The following EIF2AK2 variants were observed in gnomAD, a reference collection of about 807,000 sequenced individuals.
EIF2AK2 encodes interferon-induced, double-stranded RNA-activated protein kinase.
EIF2AK2 carries 40 observed loss-of-function variants against 70.5 expected under a neutral mutation model. The observed-to-expected ratio is 0.57, with a 90% CI of 0.44 to 0.74. EIF2AK2 has a LOEUF of 0.74. EIF2AK2 is among the 30% of genes least tolerant of loss of function. EIF2AK2 has a pLI of 0.00. For synonymous variants in EIF2AK2, 198 were observed against 220.9 expected (o/e 0.90, Z 0.92); for missense variants, 555 against 644.3 (o/e 0.86, Z 1.50).
rs1673893337 is a variant in EIF2AK2, at chr2:37,104,013, A to G, written c.*3260T>C. On this transcript the variant is annotated 3_prime_UTR_variant, in exon 17 of 17. Coordinates refer to ENST00000233057, the MANE Select transcript of EIF2AK2 (RefSeq NM_001135651.3). ...AAATTAACCTGGAGTGGTGGCAGAT[A>G]CCTGTAATCCCAGCTACTCAGGAAG... 1 of 152,048 alleles carries G rather than the reference A, an allele frequency of 6.6e-6. No individual in the cohort carries two copies. Among genetic ancestry groups the G allele is most frequent in the Non-Finnish European group, 1.5e-5 (1 of 68,016 alleles). The allele number at this position is 152,048 out of a possible 1,614,324, so 9.4% of individuals were successfully genotyped here.
chr2:37,125,367 T>C (rs895290974), intron 11 of EIF2AK2, among the ~76,000 whole-genome samples: 1 of 152,242 alleles, frequency 6.6e-6, no homozygotes, highest in African/African-American at 2.4e-5. Context: ...GGGTAGGGCC[T>C]ATTTGGCCTC....
At position 37,137,024 on chromosome 2, in the gene EIF2AK2, C is replaced by T. The variant is rs1367065045; in HGVS notation, c.688-7G>A. On this transcript the variant is annotated splice_polypyrimidine_tract_variant and splice_region_variant and intron_variant, in intron 8 of 16. Coordinates refer to ENST00000233057, the MANE Select transcript of EIF2AK2 (RefSeq NM_001135651.3). ...GATTATTTCTGAGACCATTCTATAA[C>T]AAAAGAAAATGAGAAATAGTTTCAG... 2 of 1,601,458 alleles carry T rather than the reference C, an allele frequency of 1.2e-6. No individual in the cohort carries two copies. The highest frequency in any genetic ancestry group is 8.5e-7 in the Non-Finnish European group (1 of 1,174,408).
At chr2:37,146,787 T>C in intron 4 of EIF2AK2, 66 bp downstream of exon 4, 3 of 1,576,094 alleles carry the variant, frequency 1.9e-6, no homozygotes, top group Non-Finnish European at 2.6e-6. Flanking sequence ...AAGTATTTTC[T>C]CACAGAGAGA....
At position 37,099,366 on chromosome 2, in the gene EIF2AK2, A is replaced by G. The variant is rs1673767192; in HGVS notation, c.*7907T>C. Reference sequence around the variant, plus strand: ...CTGCTTTCTTCACAGCAGTGCACTCACTACTTTCTGGTATACAAGAAGAAC... The same window carrying G: ...CTGCTTTCTTCACAGCAGTGCACTCGCTACTTTCTGGTATACAAGAAGAAC... On this transcript the variant is annotated 3_prime_UTR_variant, in exon 17 of 17. Coordinates refer to ENST00000233057, the MANE Select transcript of EIF2AK2 (RefSeq NM_001135651.3). 6.6e-6 allele frequency: 1 copy of G among 152,204 alleles called. No individual in the cohort carries two copies. Among genetic ancestry groups the G allele is most frequent in the South Asian group, 2.1e-4 (1 of 4,838 alleles). 9.4% of individuals were successfully genotyped at this position (152,204 alleles called of 1,614,324 possible).
intron 15 of EIF2AK2, 24 bp from the exon 16 acceptor site, chr2:37,107,551 A>G (rs1321092826): frequency 6.3e-7 from 1 of 1,597,942 alleles, no homozygotes; most frequent in Non-Finnish European, 8.5e-7. Context: ...TGATAGGTGT[A>G]TATTAGGAAA....
rs72542360 is a variant in EIF2AK2 at position 37,144,375 on chromosome 2, A to AG, written c.240+2477_240+2478insC. Among the ~76,000 whole-genome samples the AG allele has an allele frequency of 5.6e-3, 843 of 151,584 alleles. 10 individuals are homozygous for AG. The highest frequency in any genetic ancestry group is 0.019 in the African/African-American group (804 of 41,342). On this transcript the variant is annotated intron_variant, in intron 4 of 16. Coordinates refer to ENST00000233057, the MANE Select transcript of EIF2AK2 (RefSeq NM_001135651.3). Reference sequence around the variant, plus strand: ...TTACTCCTTCTACTTAAAAAAAAAAAAGTAAACTGTAAAACAGCCTCAGGC... The same window carrying AG: ...TTACTCCTTCTACTTAAAAAAAAAAAGAGTAAACTGTAAAACAGCCTCAGGC...
At position 37,143,573 on chromosome 2, in the gene EIF2AK2, C is replaced by T. The variant is rs57242304; in HGVS notation, c.241-1872G>A. On this transcript the variant is annotated intron_variant, in intron 4 of 16. Transcript: ENST00000233057. ...CAGATTTTTTTTCTTGTATTATTCC[C>T]TAAACAATACAGCATAACAACTACT... 1.5e-3 allele frequency among the ~76,000 whole-genome samples: 228 copies of T among 152,130 alleles called. 1 individual carries two copies. The highest frequency in any genetic ancestry group is 5.3e-3 in the African/African-American group (222 of 41,508).
chr2:37,147,205 C>A (rs1189464080), intron 3 of EIF2AK2, among the ~76,000 whole-genome samples: 1 of 152,204 alleles, frequency 6.6e-6, no homozygotes, highest in African/African-American at 2.4e-5. Flanking sequence ...ATGGTTCCCA[C>A]TTTATGCCAA....
At chr2:37,136,009 C>T (rs1675115660) in intron 9 of EIF2AK2, among the ~76,000 whole-genome samples, 1 of 152,176 alleles carries the variant, frequency 6.6e-6, no homozygotes, top group Admixed American at 6.5e-5. Context: ...CCTCTGGTTC[C>T]TTTTTCCACC....
chr2:37,126,344 T>C lies in EIF2AK2; in HGVS notation c.853A>G (p.Lys285Glu), dbSNP rs764900817. 1.2e-6 allele frequency: 2 copies of C among 1,613,000 alleles called. No individual in the cohort carries two copies. Among genetic ancestry groups the C allele is most frequent in the Non-Finnish European group, 1.7e-6 (2 of 1,179,570 alleles). Residue 285 changes from lysine (K) to glutamate (E), a missense_variant, in exon 11 of 17, where the codon AAA becomes GAA. Lys to Glu is a moderately conservative substitution (Grantham distance 56). This residue lies in a region of EIF2AK2 where 299 missense variants were observed against 375.4 expected (regional missense o/e 0.80). Coordinates refer to ENST00000233057, the MANE Select transcript of EIF2AK2 (RefSeq NM_001135651.3). ...TAAGTCTTTCCGTCAATTCTGTGTT[T>C]TGCTTTGAAAACTTGGCCAAATCCA... is the stretch of plus-strand genomic sequence containing the variant. ...SGGFGQVFKA[K>E]HRIDGKTYVI...
intron 4 of EIF2AK2, 146 bp from the exon 5 acceptor site, chr2:37,141,847 A>G (rs994906477): frequency 1.3e-5 from 11 of 832,840 alleles, no homozygotes; most frequent in Non-Finnish European, 1.8e-5. Flanking sequence ...ACCTTGAGCA[A>G]AAGTGTGACT....
rs1467114449 is a variant in EIF2AK2, at chr2:37,102,668, T to G, written c.*4605A>C. Reference sequence around the variant, plus strand: ...GATGGCTTCATGGACATGCAACCTGTGCAGTTGCACAAGACTGTGCTTAGA... The same window carrying G: ...GATGGCTTCATGGACATGCAACCTGGGCAGTTGCACAAGACTGTGCTTAGA... On this transcript the variant is annotated 3_prime_UTR_variant, in exon 17 of 17. Coordinates refer to ENST00000233057, the MANE Select transcript of EIF2AK2 (RefSeq NM_001135651.3). 6.6e-6 allele frequency: 1 copy of G among 152,210 alleles called. No individual in the cohort carries two copies. 9.4% of individuals were successfully genotyped at this position (152,210 alleles called of 1,614,324 possible).
In EIF2AK2 at chr2:37,139,666, C is replaced by A. The variant is rs760326374; in HGVS notation, c.481G>T (p.Ala161Ser). 6.2e-7 allele frequency: 1 copy of A among 1,613,962 alleles called. No homozygotes were observed. Among genetic ancestry groups the A allele is most frequent in the Admixed American group, 1.7e-5 (1 of 60,004 alleles). The change falls in exon 6 of 17, where the codon GCA (alanine) becomes TCA (serine). Residue 161 changes from alanine to serine, a missense_variant. By Grantham distance (99) the Ala-to-Ser change is moderately conservative. Around this residue, in one of 3 missense-constraint regions of EIF2AK2, gnomAD observed 208 missense variants for 191.8 expected, o/e 1.08. Transcript: ENST00000233057. ...TCTTCTGATAATATCTGAAGATATG[C>A]AAGTTTAGCGGCCAATTGTTTTGCT... ...QEAKQLAAKL[A>S]YLQILSEETS...
intron 10 of EIF2AK2, among the ~76,000 whole-genome samples, chr2:37,130,616 T>G (rs1447679897): frequency 6.6e-6 from 1 of 152,194 alleles, no homozygotes; most frequent in Non-Finnish European, 1.5e-5. Context: ...AAAGATGCCT[T>G]TTATATTATC....
Position 37,114,803 on chromosome 2 carries a change from A to G in EIF2AK2, c.1305T>C (p.Leu435=), listed in dbSNP as rs745763401. Residue 435 remains leucine, a synonymous_variant, in exon 14 of 17, where the codon CTT becomes CTC. Coordinates refer to ENST00000233057, the MANE Select transcript of EIF2AK2 (RefSeq NM_001135651.3). ...TKQVKIGDFG[L]VTSLKNDGKR... ...TTCCATCATTTTTCAGAGATGTTAC[A>G]AGTCCAAAGTCTCCAATCTTTACTT... 1.0e-5 allele frequency: 16 copies of G among 1,601,180 alleles called. No individual in the cohort carries two copies. Among genetic ancestry groups the G allele is most frequent in the East Asian group, 6.8e-5 (3 of 44,288 alleles).
chr2:37,148,391 TGAACGGGC>T, intron 2 of EIF2AK2: 1 of 320,152 alleles, frequency 3.1e-6, no homozygotes, highest in Non-Finnish European at 5.9e-6. Context: ...GGCTGGGAAA[TGAACGGGC>T]AGGCAAGTGT....
chr2:37,111,876 AAAATATATATAT>A (rs1674163690), intron 14 of EIF2AK2, among the ~76,000 whole-genome samples: 1 of 46,140 alleles, frequency 2.2e-5, no homozygotes, highest in African/African-American at 7.1e-5. Context: ...AAAAAAAAAA[AAAATATATATAT>A]ATATATATAT....
chr2:37,133,266 T>C lies in EIF2AK2; in HGVS notation c.785+2218A>G, dbSNP rs568891274. ...AATGCTCATCCCCTTTGAACTCATGTATGGGAGTTTTGAGCATAAGTATTT... is the reference window on the plus strand; with the variant it reads ...AATGCTCATCCCCTTTGAACTCATGCATGGGAGTTTTGAGCATAAGTATTT... On this transcript the variant is annotated intron_variant, in intron 10 of 16. Transcript: ENST00000233057. 1.3e-3 allele frequency among the ~76,000 whole-genome samples: 193 copies of C among 152,340 alleles called. 2 individuals carry two copies. Among genetic ancestry groups the C allele is most frequent in the Admixed American group, 2.4e-3 (36 of 15,296 alleles).
At chr2:37,153,892 CA>C (rs1675831533) in intron 1 of EIF2AK2, among the ~76,000 whole-genome samples, 1 of 152,142 alleles carries the variant, frequency 6.6e-6, no homozygotes, top group Non-Finnish European at 1.5e-5. Context: ...GATGAATCAC[CA>C]AATTGTTTTC....
Sources: gnomAD v4.1 joint callset for allele counts (sites outside exome capture counted in the v4.1 genomes callset) on GRCh38, gnomAD v4.1.1 for gene constraint, gnomAD v4.1.1 regional missense constraint, MANE v1.5 for transcripts, NCBI Gene and HGNC (gene_info 2026-07-23, HGNC 2026-07-21) for gene names.